The following WASF3 variants were observed in gnomAD, a reference collection of about 807,000 sequenced individuals.
WASF3 encodes the protein actin-binding protein WASF3.
Under a neutral mutation model 46.6 loss-of-function variants are expected in WASF3, and 11 were observed. The ratio of observed to expected loss-of-function variants is 0.24; its 90% CI spans 0.15 to 0.39. The LOEUF is 0.39. Among genes scored for constraint, WASF3 ranks in the 10% least tolerant of loss-of-function variants. WASF3 has a pLI of 1.00. For missense variants in WASF3, 576 were observed against 669.8 expected, an observed-to-expected ratio of 0.86 and a Z score of 1.55; for synonymous variants, 242 against 259.7, an observed-to-expected ratio of 0.93 and a Z score of 0.65.
chr13:26,676,528 C>G (rs973691846), intron 6 of WASF3, 21 bp from the exon 7 acceptor site: 2 of 1,610,940 alleles, frequency 1.2e-6, no homozygotes, highest in African/African-American at 1.3e-5. Flanking sequence ...GGCATGCTCT[C>G]TTTCCTTTCC....
At chr13:26,606,321 C>CGTGTGTGTGTGTGTGT (rs60865367) in intron 1 of WASF3, among the ~76,000 whole-genome samples, 5 of 131,964 alleles carry the variant, frequency 3.8e-5, no homozygotes, top group African/African-American at 5.9e-5. Context: ...TCTTTTTTTT[C>CGTGTGTGTGTGTGTGT]GTGTGTGTGT....
chr13:26,594,306 C>T (rs1419160859), intron 1 of WASF3, among the ~76,000 whole-genome samples: 1 of 152,260 alleles, frequency 6.6e-6, no homozygotes, highest in African/African-American at 2.4e-5. Flanking sequence ...CTGGTGGTTC[C>T]CCCGGTACCT....
At chr13:26,680,118 A>G in intron 7 of WASF3, 2 of 1,598,364 alleles carry the variant, frequency 1.3e-6, no homozygotes, top group Non-Finnish European at 8.5e-7. Flanking sequence ...AGTGGGAGAG[A>G]AGGAAAATGG....
At chr13:26,675,137 T>C (rs556587863) in intron 6 of WASF3, among the ~76,000 whole-genome samples, 1 of 151,844 alleles carries the variant, frequency 6.6e-6, no homozygotes, top group Non-Finnish European at 1.5e-5. Context: ...CTTCCCTCTT[T>C]TAATTTGTTT....
intron 1 of WASF3, among the ~76,000 whole-genome samples, chr13:26,574,841 T>C (rs887963610): frequency 7.0e-6 from 1 of 143,224 alleles, no homozygotes; most frequent in African/African-American, 2.5e-5. Context: ...TAACCCCTTC[T>C]TTTTTTTTTT....
intron 1 of WASF3, among the ~76,000 whole-genome samples, chr13:26,571,016 A>G (rs1358460296): frequency 1.3e-5 from 2 of 152,106 alleles, no homozygotes; most frequent in African/African-American, 4.8e-5. Flanking sequence ...ATCTTTGTGT[A>G]GTTTAATTAT....
chr13:26,585,606 T>G (rs187271381), intron 1 of WASF3, among the ~76,000 whole-genome samples: 18 of 152,318 alleles, frequency 1.2e-4, no homozygotes, highest in African/African-American at 4.3e-4. Flanking sequence ...CATCTCAGGT[T>G]TGGCATAATG....
At chr13:26,643,797 G>T (rs1462785158) in intron 3 of WASF3, among the ~76,000 whole-genome samples, 1 of 152,156 alleles carries the variant, frequency 6.6e-6, no homozygotes, top group Non-Finnish European at 1.5e-5. Flanking sequence ...TGTGTTAGTT[G>T]TGTTTATGGT....
intron 1 of WASF3, among the ~76,000 whole-genome samples, 196 bp downstream of exon 1, chr13:26,558,015 G>T (rs1485442511): frequency 4.0e-5 from 6 of 150,940 alleles, no homozygotes; most frequent in African/African-American, 1.4e-4. Flanking sequence ...CAGCCCGGCC[G>T]CATTCTCCCG....
At chr13:26,587,445 G>C (rs1880164988) in intron 1 of WASF3, among the ~76,000 whole-genome samples, 1 of 152,086 alleles carries the variant, frequency 6.6e-6, no homozygotes, top group Non-Finnish European at 1.5e-5. Context: ...TCTATAACCA[G>C]TTGGTGTTTT....
At chr13:26,575,796 A>G (rs1327956679) in intron 1 of WASF3, among the ~76,000 whole-genome samples, 1 of 152,166 alleles carries the variant, frequency 6.6e-6, no homozygotes, top group Non-Finnish European at 1.5e-5. Flanking sequence ...TTGCTTTGCT[A>G]AGTCTGATGC....
chr13:26,683,887 C>T (rs896944678), intron 9 of WASF3, among the ~76,000 whole-genome samples: 4 of 152,168 alleles, frequency 2.6e-5, no homozygotes, highest in Admixed American at 1.3e-4. Context: ...GATTCTTAAC[C>T]AGGTCCCAAC....
In WASF3 at chr13:26,682,824, C is replaced by G. The variant is rs1353617217; in HGVS notation, c.1201C>G (p.Pro401Ala). Residue 401 changes from proline (P) to alanine (A), a missense_variant, in exon 9 of 10, where the codon CCA becomes GCA. Coordinates refer to ENST00000335327, the MANE Select transcript of WASF3 (RefSeq NM_006646.6). The surrounding 1 kb of genome is among the most constrained non-coding windows in gnomAD (Gnocchi z 4.4). ...LVTAPPPPGPPPPPPGPPGPG... is the reference protein window; with the variant it reads ...LVTAPPPPGPAPPPPGPPGPG... ...CACAGCCCCGCCACCCCCGGGCCCA[C>G]CACCTCCCCCGCCAGGCCCTCCTGG... is the stretch of plus-strand genomic sequence containing the variant. 1 of 1,610,584 alleles carries G rather than the reference C, an allele frequency of 6.2e-7. No individual in the cohort carries two copies. The highest frequency in any genetic ancestry group is 2.2e-5 in the East Asian group (1 of 44,852).
At chr13:26,666,319 AACC>A (rs1360854086) in intron 4 of WASF3, among the ~76,000 whole-genome samples, 1 of 152,212 alleles carries the variant, frequency 6.6e-6, no homozygotes, top group Non-Finnish European at 1.5e-5. Context: ...GCTTATGATA[AACC>A]TTACCCTAGA....
intron 5 of WASF3, 52 bp from the exon 6 acceptor site, chr13:26,671,817 TATA>T (rs2137482974): frequency 1.6e-6 from 2 of 1,245,616 alleles, no homozygotes; most frequent in Middle Eastern, 1.9e-4. Flanking sequence ...TTAACCTACA[TATA>T]AAAGTCTCTA....
rs142037275 is a variant in WASF3 at position 26,584,208 on chromosome 13, G to A, written c.-109+26389G>A. Among the ~76,000 whole-genome samples the A allele has an allele frequency of 9.9e-4, 151 of 152,272 alleles. 1 individual carries two copies. In the South Asian group the frequency reaches 0.011, roughly 11 times the overall value. On this transcript the variant is annotated intron_variant, in intron 1 of 9. Transcript: ENST00000335327. Reference sequence around the variant, plus strand: ...GGGACCAGTAAATTAACAGAATGGTGAACATTTTCCTTTTCTTGGTGCTTT... The same window carrying A: ...GGGACCAGTAAATTAACAGAATGGTAAACATTTTCCTTTTCTTGGTGCTTT...
chr13:26,672,218 C>T (rs1477212329), intron 6 of WASF3, among the ~76,000 whole-genome samples: 1 of 152,174 alleles, frequency 6.6e-6, no homozygotes, highest in African/African-American at 2.4e-5. Flanking sequence ...AAAGTAGTTC[C>T]TAAACTTTGT....
intron 1 of WASF3, among the ~76,000 whole-genome samples, chr13:26,608,755 C>A (rs976319234): frequency 7.2e-5 from 11 of 152,154 alleles, no homozygotes; most frequent in African/African-American, 2.4e-4. Flanking sequence ...ACAAAGATTG[C>A]TGTCTTGTTA....
chr13:26,601,818 G>T (rs1018162858), intron 1 of WASF3, among the ~76,000 whole-genome samples: 4 of 152,172 alleles, frequency 2.6e-5, no homozygotes, highest in African/African-American at 7.2e-5. Flanking sequence ...GATCAGTGCT[G>T]CCACCTAACC....
Sources: allele counts gnomAD v4.1 joint callset (sites outside exome capture counted in the v4.1 genomes callset), GRCh38; gene constraint gnomAD v4.1.1; non-coding constraint Gnocchi (gnomAD v3.1); transcripts MANE v1.5; gene names NCBI Gene and HGNC (gene_info 2026-07-23, HGNC 2026-07-21).